RALY: variants seen among roughly 807,000 people sequenced by gnomAD.
The protein encoded by RALY is RNA-binding protein Raly.
RALY carries 15 observed loss-of-function variants against 30.7 expected under a neutral mutation model. The observed-to-expected ratio is 0.49, with a 90% CI of 0.33 to 0.75. The LOEUF is 0.75. Among genes scored for constraint, RALY ranks in the 30% least tolerant of loss-of-function variants. RALY has a pLI of 0.02. For synonymous variants in RALY, 177 were observed against 170.8 expected, an observed-to-expected ratio of 1.04 and a Z score of -0.28; for missense variants, 339 against 414.3, an observed-to-expected ratio of 0.82 and a Z score of 1.58.
chr20:34,057,616 G>A (rs938949588), intron 2 of RALY, among the ~76,000 whole-genome samples: 3 of 147,966 alleles, frequency 2.0e-5, no homozygotes, highest in Admixed American at 1.4e-4. Context: ...ACAGTGAGCC[G>A]AGATGGCGCC....
intron 7 of RALY, 92 bp from the exon 8 acceptor site, chr20:34,076,936 C>T: frequency 2.5e-6 from 4 of 1,601,720 alleles, no homozygotes; most frequent in Non-Finnish European, 3.4e-6. Flanking sequence ...CCTGCACTCA[C>T]CATGCTGAGG....
chr20:34,012,365 A>G (rs1432612658), intron 1 of RALY, among the ~76,000 whole-genome samples: 1 of 152,096 alleles, frequency 6.6e-6, no homozygotes, highest in Non-Finnish European at 1.5e-5. Context: ...TTTTTTGCCT[A>G]GAAAGATGTA....
At chr20:34,061,546 AAT>A (rs1244286968) in intron 2 of RALY, among the ~76,000 whole-genome samples, 1 of 152,220 alleles carries the variant, frequency 6.6e-6, no homozygotes, top group Non-Finnish European at 1.5e-5. Context: ...CTTCACCACA[AAT>A]AGTTTTGAGA....
At chr20:34,066,169 CTTTTTTTT>C (rs200689368) in intron 2 of RALY, among the ~76,000 whole-genome samples, 4 of 126,522 alleles carry the variant, frequency 3.2e-5, no homozygotes, top group African/African-American at 1.2e-4. Flanking sequence ...TGCTGATCCT[CTTTTTTTT>C]TTTTTTTTTT....
At chr20:34,055,688 A>ACTGCC (rs1278874780) in intron 2 of RALY, among the ~76,000 whole-genome samples, 1 of 152,340 alleles carries the variant, frequency 6.6e-6, no homozygotes, top group East Asian at 1.9e-4. Flanking sequence ...ATCAGACCCC[A>ACTGCC]CTGCCCAACG....
At chr20:34,077,730 T>A (rs575886465) in intron 8 of RALY, 2 of 226,876 alleles carry the variant, frequency 8.8e-6, no homozygotes, top group South Asian at 1.1e-4. Context: ...AAGGAGCTTA[T>A]GTTGAGTGGG....
chr20:34,032,847 T>C (rs916634462), intron 2 of RALY, among the ~76,000 whole-genome samples: 3 of 152,154 alleles, frequency 2.0e-5, no homozygotes, highest in African/African-American at 7.2e-5. Context: ...TGATTTTTCT[T>C]ATAAAGTTCA....
chr20:34,022,936 T>C (rs1330209509), intron 1 of RALY, among the ~76,000 whole-genome samples: 1 of 152,200 alleles, frequency 6.6e-6, no homozygotes, highest in African/African-American at 2.4e-5. Context: ...TCAAAGATCA[T>C]TTGCTTGAAA....
intron 1 of RALY, among the ~76,000 whole-genome samples, chr20:34,019,793 G>T (rs1361735741): frequency 6.6e-6 from 1 of 152,216 alleles, no homozygotes; most frequent in African/African-American, 2.4e-5. Context: ...CGGGCGCGGT[G>T]GCTCACGCCT....
At position 34,072,275 on chromosome 20, in the gene RALY, T is replaced by A. The variant is rs2033748027; in HGVS notation, c.201T>A (p.His67Gln). The A allele has an allele frequency of 6.2e-7, 1 of 1,614,014 alleles. No homozygotes were observed. The highest frequency in any genetic ancestry group is 8.5e-7 in the Non-Finnish European group (1 of 1,180,056). Residue 67 changes from histidine (H) to glutamine (Q), a missense_variant, in exon 3 of 10, where the codon CAT becomes CAA. Transcript: ENST00000246194. ...YAFVQYSNERHARAAVLGENG... is the reference protein window; with the variant it reads ...YAFVQYSNERQARAAVLGENG... ...TTGTTCAGTACTCCAATGAGCGCCA[T>A]GCCCGGGCAGCTGTGCTGGGAGAGA...
At position 34,055,799 on chromosome 20, in the gene RALY, T is replaced by C. The variant is rs139460376; in HGVS notation, c.-9-16267T>C. On this transcript the variant is annotated intron_variant, in intron 2 of 9. Coordinates refer to ENST00000246194, the MANE Select transcript of RALY (RefSeq NM_016732.3). ...TTTGACATCATTAAAGTCACTGTTA[T>C]TAATGTAGAAAGTAGCAGTATGTCT... 2.0e-5 allele frequency among the ~76,000 whole-genome samples: 3 copies of C among 152,332 alleles called. No individual in the cohort carries two copies. In the East Asian group the frequency reaches 5.8e-4, roughly 29 times the overall value.
intron 4 of RALY, 62 bp from the exon 5 acceptor site, chr20:34,073,757 C>T: frequency 6.3e-7 from 1 of 1,575,848 alleles, no homozygotes; most frequent in Non-Finnish European, 8.7e-7. Flanking sequence ...AGATGAGGGC[C>T]TGTGGAAAGT....
intron 5 of RALY, among the ~76,000 whole-genome samples, chr20:34,075,463 A>G (rs1350654551): frequency 6.6e-6 from 1 of 152,002 alleles, no homozygotes; most frequent in African/African-American, 2.4e-5. Flanking sequence ...ATACCTCTCT[A>G]TTCCTAGCTG....
chr20:34,029,473 G>GA (rs2032182837), intron 1 of RALY, among the ~76,000 whole-genome samples: 1 of 112,518 alleles, frequency 8.9e-6, no homozygotes, highest in Non-Finnish European at 1.8e-5. Flanking sequence ...GGGAGGGAGG[G>GA]AGGAAAGGGA....
chr20:34,040,424 C>T (rs570947824), intron 2 of RALY, among the ~76,000 whole-genome samples: 1 of 152,294 alleles, frequency 6.6e-6, no homozygotes, highest in South Asian at 2.1e-4. Flanking sequence ...TAGAAACAAG[C>T]GCTCCATAAG....
chr20:34,037,332 G>T (rs903372098), intron 2 of RALY, among the ~76,000 whole-genome samples: 1 of 152,188 alleles, frequency 6.6e-6, no homozygotes, highest in South Asian at 2.1e-4. Flanking sequence ...CAGGAAGTCA[G>T]GTGACACATG....
rs751447075 is a variant in RALY, at chr20:34,072,221, C to G, written c.147C>G (p.Ala49=). 6.2e-7 allele frequency: 1 copy of G among 1,614,240 alleles called. No homozygotes were observed. Among genetic ancestry groups the G allele is most frequent in the Admixed American group, 1.7e-5 (1 of 60,026 alleles). The change falls in exon 3 of 10, where the codon GCC becomes GCG. Residue 49 remains alanine, a synonymous_variant. Transcript: ENST00000246194. ...TCTTCTCTAAGTATGGCCGTGTGGCCGGCTGTTCTGTGCACAAGGGCTATG... is the reference window on the plus strand; with the variant it reads ...TCTTCTCTAAGTATGGCCGTGTGGCGGGCTGTTCTGTGCACAAGGGCTATG... The part of the protein sequence containing the change: ...ETIFSKYGRV[A]GCSVHKGYAF...
chr20:34,072,018 T>C, intron 2 of RALY, 48 bp from the exon 3 acceptor site: 1 of 1,593,810 alleles, frequency 6.3e-7, no homozygotes. Context: ...TGGGCAGTCC[T>C]TGAGCCCAGC....
At chr20:34,068,337 G>A (rs1176342556) in intron 2 of RALY, among the ~76,000 whole-genome samples, 2 of 152,194 alleles carry the variant, frequency 1.3e-5, no homozygotes, top group African/African-American at 2.4e-5. Flanking sequence ...GGGGTACCTT[G>A]AAAAGCATAG....
Sources: gnomAD v4.1 joint callset for allele counts (sites outside exome capture counted in the v4.1 genomes callset) on GRCh38, gnomAD v4.1.1 for gene constraint, MANE v1.5 for transcripts, NCBI Gene and HGNC (gene_info 2026-07-23, HGNC 2026-07-21) for gene names.